The following PLCE1 variants were observed in gnomAD, a reference collection of about 807,000 sequenced individuals.
PLCE1 encodes the protein phospholipase C epsilon 1, also known as 1-phosphatidylinositol 4,5-bisphosphate phosphodiesterase epsilon-1.
PLCE1 carries 119 observed loss-of-function variants against 242.8 expected under a neutral mutation model. That is an observed-to-expected ratio of 0.49 (90% confidence interval 0.42 to 0.57). PLCE1 has a LOEUF of 0.57. PLCE1 is among the 20% of genes least tolerant of loss of function. The pLI, the probability that PLCE1 is intolerant of heterozygous loss-of-function variation, is 0.00. For synonymous variants in PLCE1, 945 were observed against 1,017.4 expected (o/e 0.93, Z 1.35); for missense variants, 2,441 against 2,788.8 (o/e 0.88, Z 2.81).
intron 5 of PLCE1, among the ~76,000 whole-genome samples, chr10:94,231,696 G>A (rs2050150543): frequency 6.6e-6 from 1 of 152,090 alleles, no homozygotes; most frequent in South Asian, 2.1e-4. Flanking sequence ...GGGTGTGGGG[G>A]TGGGGGCAGA....
intron 24 of PLCE1, among the ~76,000 whole-genome samples, chr10:94,302,109 A>G (rs2053058956): frequency 6.6e-6 from 1 of 152,178 alleles, no homozygotes; most frequent in Admixed American, 6.5e-5. Flanking sequence ...ATAGCCCCAG[A>G]TGAAGTTCTG....
chr10:94,186,494 T>G (rs12244999), intron 4 of PLCE1, among the ~76,000 whole-genome samples: 1 of 152,192 alleles, frequency 6.6e-6, no homozygotes, highest in African/African-American at 2.4e-5. Context: ...CAGCTCTGTA[T>G]TGAATTAACT....
Position 94,283,883 on chromosome 10 carries a change from C to A in PLCE1, c.4889C>A (p.Ala1630Glu), listed in dbSNP as rs755152638. The A allele has an allele frequency of 2.5e-6, 4 of 1,611,972 alleles. No homozygotes were observed. ...NEEIPKRIKK[A>E]DNSACNKGKV... ...GAAATCCCAAAGAGGATAAAGAAAG[C>A]AGATAACTCTGCTTGCAACAAAGGA... is the stretch of plus-strand genomic sequence containing the variant. The change falls in exon 21 of 33, where the codon GCA becomes GAA. Residue 1630 changes from alanine (A) to glutamate (E), a missense_variant. Physicochemically the swap from Ala to Glu is moderately radical, Grantham distance 107. Coordinates refer to ENST00000371380, the MANE Select transcript of PLCE1 (RefSeq NM_016341.4).
intron 1 of PLCE1, among the ~76,000 whole-genome samples, chr10:94,026,153 C>T (rs2061450172): frequency 1.3e-5 from 2 of 152,240 alleles, no homozygotes; most frequent in East Asian, 3.9e-4. Context: ...AGTCCCCTCT[C>T]CTGAAGCTGA....
In PLCE1 at chr10:94,234,086, T is replaced by G; in HGVS notation, c.1988T>G (p.Met663Arg). 1 of 1,614,056 alleles carries G rather than the reference T, an allele frequency of 6.2e-7. No individual in the cohort carries two copies. The highest frequency in any genetic ancestry group is 1.1e-5 in the South Asian group (1 of 91,080). The change falls in exon 6 of 33, where the codon ATG becomes AGG. Residue 663 changes from methionine (M) to arginine (R), a missense_variant. Coordinates refer to ENST00000371380, the MANE Select transcript of PLCE1 (RefSeq NM_016341.4). Reference protein sequence around the residue: ...SRKVLKMWQFMDQSDIETMRS... With the variant: ...SRKVLKMWQFRDQSDIETMRS... Reference sequence around the variant, plus strand: ...AAAGTTTTAAAAATGTGGCAGTTCATGGACCAGTCTGATATTGAGACCATG... The same window carrying G: ...AAAGTTTTAAAAATGTGGCAGTTCAGGGACCAGTCTGATATTGAGACCATG...
At position 94,117,882 on chromosome 10, in the gene PLCE1, A is replaced by G. The variant is rs182342421; in HGVS notation, c.1207-14292A>G. On this transcript the variant is annotated intron_variant, in intron 2 of 32. Coordinates refer to ENST00000371380, the MANE Select transcript of PLCE1 (RefSeq NM_016341.4). The stretch of plus-strand genomic sequence containing the variant: ...GCCCAGGGTATCTGGAGACAGGGAA[A>G]GCTCTTAAGTCTACTTTTTATACAA... 3.5e-3 allele frequency among the ~76,000 whole-genome samples: 528 copies of G among 152,314 alleles called. 3 individuals carry two copies. The highest frequency in any genetic ancestry group is 6.8e-3 in the Middle Eastern group (2 of 294).
chr10:94,326,606 G>A (rs1468932155), intron 32 of PLCE1, among the ~76,000 whole-genome samples: 2 of 152,146 alleles, frequency 1.3e-5, no homozygotes, highest in Non-Finnish European at 2.9e-5. Flanking sequence ...TACTTCTTAA[G>A]TACAGAAGAA....
At chr10:94,263,291 A>T (rs906195096) in intron 14 of PLCE1, among the ~76,000 whole-genome samples, 8 of 152,024 alleles carry the variant, frequency 5.3e-5, no homozygotes, top group Admixed American at 5.2e-4. Flanking sequence ...AGGCCGGTGG[A>T]TCACCTGAGA....
At chr10:94,015,985 T>C (rs1278191023) in intron 1 of PLCE1, among the ~76,000 whole-genome samples, 1 of 152,234 alleles carries the variant, frequency 6.6e-6, no homozygotes, top group Non-Finnish European at 1.5e-5. Flanking sequence ...GAATGAATCA[T>C]ACCCGTTGGT....
intron 14 of PLCE1, 114 bp downstream of exon 14, chr10:94,262,846 C>A: frequency 2.4e-6 from 2 of 844,176 alleles, no homozygotes; most frequent in Non-Finnish European, 4.1e-6. Flanking sequence ...AAATCTGGGA[C>A]AGATATACAG....
chr10:94,233,946 T>TAAA, intron 5 of PLCE1, 108 bp from the exon 6 acceptor site: 8 of 919,458 alleles, frequency 8.7e-6, no homozygotes, highest in South Asian at 1.5e-5. Flanking sequence ...AGACTCCACC[T>TAAA]AAAAAAAAAA....
chr10:94,294,387 T>C (rs1050209756), intron 23 of PLCE1, among the ~76,000 whole-genome samples: 1 of 152,238 alleles, frequency 6.6e-6, no homozygotes, highest in Admixed American at 6.5e-5. Flanking sequence ...GGTGCTATTC[T>C]CCAGAAGTAA....
chr10:94,099,599 T>C (rs1427661071), intron 2 of PLCE1: 1 of 152,066 alleles, frequency 6.6e-6, no homozygotes, highest in Non-Finnish European at 1.5e-5. Flanking sequence ...GGAATTATCA[T>C]GGAAATTAAG....
intron 1 of PLCE1, among the ~76,000 whole-genome samples, chr10:94,009,054 A>G (rs4918006): frequency 0.21 from 31,470 of 152,106 alleles, 4,242 homozygotes; most frequent in Non-Finnish European, 0.28. Flanking sequence ...ATTGCTATAA[A>G]GAAATAACTG....
chr10:94,126,499 A>G (rs2046440795), intron 2 of PLCE1, among the ~76,000 whole-genome samples: 1 of 152,244 alleles, frequency 6.6e-6, no homozygotes, highest in Admixed American at 6.5e-5. Context: ...GCTCACTGGT[A>G]GAACACCAGC....
intron 7 of PLCE1, among the ~76,000 whole-genome samples, chr10:94,242,602 C>T (rs557746552): frequency 5.3e-4 from 80 of 152,084 alleles, no homozygotes; most frequent in Non-Finnish European, 1.1e-3. Flanking sequence ...TGAGCCACTG[C>T]GCATGGCCCA....
intron 22 of PLCE1, among the ~76,000 whole-genome samples, chr10:94,292,844 A>C (rs373970159): frequency 1.5e-4 from 23 of 152,354 alleles, no homozygotes; most frequent in Admixed American, 7.8e-4. Context: ...CATTGGAGCC[A>C]GGTCTATGTG....
chr10:94,136,154 T>C lies in PLCE1; in HGVS notation c.1492+3695T>C, dbSNP rs137948144. ...GGAACAGGGAAAAACAAATGCTGTATGATTTCCCTTATATGAAGTACTTAG... is the reference window on the plus strand; with the variant it reads ...GGAACAGGGAAAAACAAATGCTGTACGATTTCCCTTATATGAAGTACTTAG... On this transcript the variant is annotated intron_variant, in intron 3 of 32. Transcript: ENST00000371380. Among the ~76,000 whole-genome samples the C allele has an allele frequency of 2.0e-5, 3 of 152,332 alleles. No individual in the cohort carries two copies. The East Asian group carries it at 5.8e-4, about 29-fold the overall frequency.
chr10:94,088,608 T>C (rs2044936390), intron 2 of PLCE1, among the ~76,000 whole-genome samples: 1 of 152,220 alleles, frequency 6.6e-6, no homozygotes, highest in Admixed American at 6.5e-5. Flanking sequence ...CTGTCTTTCT[T>C]AGGAGTTGTC....
Sources: gnomAD v4.1 joint callset for allele counts (sites outside exome capture counted in the v4.1 genomes callset) on GRCh38, gnomAD v4.1.1 for gene constraint, MANE v1.5 for transcripts, NCBI Gene and HGNC (gene_info 2026-07-23, HGNC 2026-07-21) for gene names.